CSMD1: variants seen among roughly 807,000 people sequenced by gnomAD.
CSMD1 encodes CUB and sushi domain-containing protein 1.
Under a neutral mutation model 417.5 loss-of-function variants are expected in CSMD1, and 213 were observed. That is an observed-to-expected ratio of 0.51 (90% confidence interval 0.46 to 0.57). The LOEUF (loss-of-function observed/expected upper bound fraction) is 0.57. CSMD1 is among the 20% of genes least tolerant of loss of function. The probability of loss-of-function intolerance (pLI) is 0.00; values close to 1 mark genes in which losing one functional copy is unlikely to be tolerated. For synonymous variants in CSMD1, 2,862 were observed against 1,736.8 expected (o/e 1.65, Z -16.11); for missense variants, 6,923 against 4,529.7 (o/e 1.53, Z -15.17).
chr8:3,799,602 C>T (rs554694109), intron 5 of CSMD1, among the ~76,000 whole-genome samples: 5 of 151,826 alleles, frequency 3.3e-5, no homozygotes, highest in Non-Finnish European at 4.4e-5. Flanking sequence ...TTCATTGGTA[C>T]AGTAAAGAAA....
At chr8:4,291,514 T>A (rs1797363037) in intron 3 of CSMD1, among the ~76,000 whole-genome samples, 1 of 152,188 alleles carries the variant, frequency 6.6e-6, no homozygotes, top group Non-Finnish European at 1.5e-5. Context: ...TCACTTGTTT[T>A]CGGAAAGTAC....
chr8:4,394,563 G>A (rs139454788), intron 3 of CSMD1, among the ~76,000 whole-genome samples: 1 of 152,246 alleles, frequency 6.6e-6, no homozygotes, highest in Non-Finnish European at 1.5e-5. Context: ...AATGGACTTT[G>A]GTTCAACCCA....
In CSMD1 at chr8:3,575,068, TG is replaced by T; in HGVS notation, c.1223-3del. The stretch of plus-strand genomic sequence containing the variant: ...GCAGATTGGATCCACATGTTCTCGC[TG>T]GAAACACATAGAAACGACGTTATTT... On this transcript the variant is annotated splice_region_variant and splice_polypyrimidine_tract_variant and intron_variant, in intron 9 of 69. Transcript: ENST00000635120. The T allele has an allele frequency of 6.2e-7, 1 of 1,612,670 alleles. No individual in the cohort carries two copies. The highest frequency in any genetic ancestry group is 1.1e-5 in the South Asian group (1 of 90,946).
chr8:3,810,867 CT>C (rs997595419), intron 5 of CSMD1, among the ~76,000 whole-genome samples: 1 of 152,120 alleles, frequency 6.6e-6, no homozygotes, highest in African/African-American at 2.4e-5. Flanking sequence ...TCCTGTTCAG[CT>C]TTAAACGCAG....
At chr8:3,346,202 C>A (rs184802899) in intron 22 of CSMD1, among the ~76,000 whole-genome samples, 1 of 151,908 alleles carries the variant, frequency 6.6e-6, no homozygotes, top group Non-Finnish European at 1.5e-5. Flanking sequence ...GTGAGAAGCA[C>A]GTTTTTTTAA....
rs181454581 is a variant in CSMD1, at chr8:3,256,162, T to A, written c.4154-25931A>T. Among the ~76,000 whole-genome samples the A allele has an allele frequency of 2.5e-3, 374 of 151,950 alleles. 1 individual carries two copies. The highest frequency in any genetic ancestry group is 8.1e-3 in the African/African-American group (335 of 41,450). Reference sequence around the variant, plus strand: ...GGCCAACATGGTGAAACCTCCTCTGTACTAAAAATATAAAAATTAGCTGGG... The same window carrying A: ...GGCCAACATGGTGAAACCTCCTCTGAACTAAAAATATAAAAATTAGCTGGG... On this transcript the variant is annotated intron_variant, in intron 26 of 69. Transcript: ENST00000635120.
intron 3 of CSMD1, among the ~76,000 whole-genome samples, chr8:4,101,003 G>A (rs551867804): frequency 1.3e-5 from 2 of 152,126 alleles, no homozygotes; most frequent in African/African-American, 2.4e-5. Context: ...CGTAGTCCTA[G>A]AAATTCCCAA....
intron 1 of CSMD1, among the ~76,000 whole-genome samples, chr8:4,846,270 G>A (rs1397770747): frequency 6.6e-6 from 1 of 152,186 alleles, no homozygotes; most frequent in South Asian, 2.1e-4. Context: ...AATGTGTGAA[G>A]TAAGATCTTT....
At chr8:3,080,310 G>C (rs940272995) in intron 49 of CSMD1, among the ~76,000 whole-genome samples, 1 of 152,168 alleles carries the variant, frequency 6.6e-6, no homozygotes, top group Non-Finnish European at 1.5e-5. Flanking sequence ...GCTGATAATG[G>C]AAACAGCTGC....
intron 1 of CSMD1, among the ~76,000 whole-genome samples, chr8:4,940,318 A>G (rs1465865134): frequency 6.6e-6 from 1 of 152,206 alleles, no homozygotes; most frequent in East Asian, 1.9e-4. Context: ...AATCTGAATT[A>G]TTTTCTGACG....
At chr8:4,881,082 C>A (rs1803366672) in intron 1 of CSMD1, among the ~76,000 whole-genome samples, 1 of 151,972 alleles carries the variant, frequency 6.6e-6, no homozygotes, top group Non-Finnish European at 1.5e-5. Flanking sequence ...CTGCCAGCTA[C>A]TCCAGCCCAC....
chr8:4,198,598 A>G (rs1799473975), intron 3 of CSMD1, among the ~76,000 whole-genome samples: 1 of 152,174 alleles, frequency 6.6e-6, no homozygotes, highest in Non-Finnish European at 1.5e-5. Context: ...TTTGATTTTA[A>G]CGTAATGAGT....
At chr8:3,744,539 T>C (rs182514470) in intron 6 of CSMD1, among the ~76,000 whole-genome samples, 1 of 152,348 alleles carries the variant, frequency 6.6e-6, no homozygotes, top group Admixed American at 6.5e-5. Context: ...GATTCGTTTC[T>C]TTATTTTCAT....
At position 4,913,723 on chromosome 8, in the gene CSMD1, T is replaced by G. The variant is rs530847962; in HGVS notation, c.85+80609A>C. Among the ~76,000 whole-genome samples the G allele has an allele frequency of 3.9e-5, 6 of 152,298 alleles. No individual in the cohort carries two copies. The South Asian group carries it at 1.2e-3, about 32-fold the overall frequency. ...TACAATTAATCTTAGGAAGAACCAT[T>G]GACAAATCTGCAAGCGAGGGAGTTG... is the stretch of plus-strand genomic sequence containing the variant. On this transcript the variant is annotated intron_variant, in intron 1 of 69. Coordinates refer to ENST00000635120, the MANE Select transcript of CSMD1 (RefSeq NM_033225.6).
intron 24 of CSMD1, among the ~76,000 whole-genome samples, 187 bp from the exon 25 acceptor site, chr8:3,308,008 C>G (rs545606498): frequency 6.6e-6 from 1 of 152,108 alleles, no homozygotes; most frequent in Non-Finnish European, 1.5e-5. Flanking sequence ...AAGTCTTTAT[C>G]CTCCATGCAA....
intron 33 of CSMD1, among the ~76,000 whole-genome samples, chr8:3,192,858 A>G (rs1446853214): frequency 2.0e-5 from 3 of 152,142 alleles, no homozygotes; most frequent in South Asian, 2.1e-4. Flanking sequence ...CTCAATCCAT[A>G]TAACATAATA....
At chr8:3,061,471 T>C (rs1315479003) in intron 49 of CSMD1, among the ~76,000 whole-genome samples, 2 of 152,230 alleles carry the variant, frequency 1.3e-5, no homozygotes, top group Non-Finnish European at 2.9e-5. Context: ...CTCTGCACCG[T>C]GGATATCCCC....
At chr8:3,479,906 T>G (rs1452293611) in intron 11 of CSMD1, among the ~76,000 whole-genome samples, 1 of 151,730 alleles carries the variant, frequency 6.6e-6, no homozygotes, top group Non-Finnish European at 1.5e-5. Flanking sequence ...GTTATAAAAA[T>G]GAACTAAAAG....
intron 1 of CSMD1, among the ~76,000 whole-genome samples, chr8:4,650,936 A>G (rs1415443010): frequency 6.6e-6 from 1 of 152,220 alleles, no homozygotes; most frequent in Non-Finnish European, 1.5e-5. Context: ...TGCTTTAACC[A>G]TTACAAATGA....
Sources: gnomAD v4.1 joint callset for allele counts (sites outside exome capture counted in the v4.1 genomes callset) on GRCh38, gnomAD v4.1.1 for gene constraint, MANE v1.5 for transcripts, NCBI Gene and HGNC (gene_info 2026-07-23, HGNC 2026-07-21) for gene names.